The following SEPTIN11 variants were observed in gnomAD, a reference collection of about 807,000 sequenced individuals.
SEPTIN11 encodes the protein septin 11, also known as septin-11.
Under a neutral mutation model 51.4 loss-of-function variants are expected in SEPTIN11, and 25 were observed. That is an observed-to-expected ratio of 0.49 (90% CI 0.35 to 0.68). The LOEUF (loss-of-function observed/expected upper bound fraction) is 0.68. Among genes scored for constraint, SEPTIN11 ranks in the 30% least tolerant of loss-of-function variants. The pLI, the probability that SEPTIN11 is intolerant of heterozygous loss-of-function variation, is 0.00. For synonymous variants in SEPTIN11, 174 were observed against 184.1 expected (o/e 0.95, Z 0.44); for missense variants, 381 against 520.8 (o/e 0.73, Z 2.61).
intron 1 of SEPTIN11, among the ~76,000 whole-genome samples, chr4:76,954,197 G>T (rs1321484887): frequency 6.6e-6 from 1 of 152,208 alleles, no homozygotes; most frequent in African/African-American, 2.4e-5. Context: ...ATGTCACACT[G>T]ATCATGATCA....
At chr4:77,023,294 ACACACAC>A (rs1725863613) in intron 7 of SEPTIN11, among the ~76,000 whole-genome samples, 2 of 143,106 alleles carry the variant, frequency 1.4e-5, no homozygotes, top group Non-Finnish European at 3.0e-5. Context: ...ACACACACAC[ACACACAC>A]AATATATATA....
chr4:77,036,856 A>T lies in SEPTIN11; in HGVS notation c.*2344A>T. 1 of 1,453,856 alleles carries T rather than the reference A, an allele frequency of 6.9e-7. No individual in the cohort carries two copies. Among genetic ancestry groups the T allele is most frequent in the South Asian group, 1.4e-5 (1 of 70,750 alleles). The allele number at this position is 1,453,856 out of a possible 1,614,324, so 90.1% of individuals were successfully genotyped here. ...TTTGCATGTAAGTACGGTAGTAAGAAACCTTTGAGATCTTTCTGACTTTTC... is the reference window on the plus strand; with the variant it reads ...TTTGCATGTAAGTACGGTAGTAAGATACCTTTGAGATCTTTCTGACTTTTC... On this transcript the variant is annotated 3_prime_UTR_variant, in exon 10 of 10. Coordinates refer to ENST00000264893, the MANE Select transcript of SEPTIN11 (RefSeq NM_018243.4).
In SEPTIN11 at chr4:77,034,674, T is replaced by TGGTA. The variant is rs1726907898; in HGVS notation, c.*164_*167dup. 21 of 1,327,336 alleles carry TGGTA rather than the reference T, an allele frequency of 1.6e-5. No individual in the cohort carries two copies. The South Asian group carries it at 4.6e-4, about 29-fold the overall frequency. 82.2% of individuals were successfully genotyped at this position (1,327,336 alleles called of 1,614,324 possible). On this transcript the variant is annotated 3_prime_UTR_variant, in exon 10 of 10. Transcript: ENST00000264893. ...ACTCGTTTTGCTGAATGTTGTTGGG[T>TGGTA]GGTAGAAAATGATAGAACAAGGGAA...
At position 76,984,748 on chromosome 4, in the gene SEPTIN11, T is replaced by C. The variant is rs72858653; in HGVS notation, c.28-11677T>C. 0.014 allele frequency among the ~76,000 whole-genome samples: 2,089 copies of C among 152,202 alleles called. 60 individuals are homozygous for C. Among genetic ancestry groups the C allele is most frequent in the African/African-American group, 0.047 (1,934 of 41,514 alleles). On this transcript the variant is annotated intron_variant, in intron 1 of 9. Coordinates refer to ENST00000264893, the MANE Select transcript of SEPTIN11 (RefSeq NM_018243.4). This position sits in a 1 kb window ranked among gnomAD's most constrained non-coding sequence, Gnocchi z 4.1. ...CAAAAATGACCCAAATAAACAACAGTGAGACAAGTGGGTGGTTTTATGCTC... is the reference window on the plus strand; with the variant it reads ...CAAAAATGACCCAAATAAACAACAGCGAGACAAGTGGGTGGTTTTATGCTC...
downstream of SEPTIN11, among the ~76,000 whole-genome samples, chr4:77,038,833 C>G (rs1031694946): frequency 6.6e-6 from 1 of 152,048 alleles, no homozygotes; most frequent in African/African-American, 2.4e-5. Context: ...CTTTTTCCCC[C>G]ATGCCTGTCC....
At chr4:76,962,653 C>T (rs901855142) in intron 1 of SEPTIN11, among the ~76,000 whole-genome samples, 2 of 152,098 alleles carry the variant, frequency 1.3e-5, no homozygotes, top group Non-Finnish European at 2.9e-5. Flanking sequence ...TTTCCTGATA[C>T]TAGCTTTAGA....
chr4:77,007,379 G>T (rs1400776981), intron 3 of SEPTIN11, among the ~76,000 whole-genome samples: 1 of 152,152 alleles, frequency 6.6e-6, no homozygotes, highest in East Asian at 1.9e-4. Context: ...ACTTTTTCAG[G>T]ATCCCTCCCC....
intron 4 of SEPTIN11, among the ~76,000 whole-genome samples, chr4:77,013,902 G>A (rs145715608): frequency 3.7e-4 from 56 of 152,274 alleles, no homozygotes; most frequent in Admixed American, 2.8e-3. Flanking sequence ...TGTCAGTAAC[G>A]TCTTATTGAA....
chr4:76,999,325 A>G (rs1171803703), intron 2 of SEPTIN11, among the ~76,000 whole-genome samples: 1 of 152,206 alleles, frequency 6.6e-6, no homozygotes, highest in African/African-American at 2.4e-5. Context: ...TGGTCCATCT[A>G]TTTTTAAAAT....
intron 9 of SEPTIN11, among the ~76,000 whole-genome samples, chr4:77,032,412 A>G (rs991143808): frequency 6.6e-6 from 1 of 152,246 alleles, no homozygotes; most frequent in African/African-American, 2.4e-5. Context: ...GTAGCTATGC[A>G]TGTCGGGAGA....
At chr4:76,975,722 A>T (rs1722467640) in intron 1 of SEPTIN11, among the ~76,000 whole-genome samples, 1 of 152,174 alleles carries the variant, frequency 6.6e-6, no homozygotes, top group Non-Finnish European at 1.5e-5. Context: ...ATACCCCTAA[A>T]AGGTTCTTGG....
chr4:77,019,176 A>G lies in SEPTIN11; in HGVS notation c.699A>G (p.Pro233=), dbSNP rs1177246912. 9.9e-6 allele frequency: 16 copies of G among 1,613,056 alleles called. No homozygotes were observed. The highest frequency in any genetic ancestry group is 1.3e-5 in the African/African-American group (1 of 74,896). ...CTTTTGCTTGGCAGGTCCATCTCCCATTTGCAGTGGTTGGCAGCACCGAAG... is the reference window on the plus strand; with the variant it reads ...CTTTTGCTTGGCAGGTCCATCTCCCGTTTGCAGTGGTTGGCAGCACCGAAG... The part of the protein sequence containing the change: ...EINATMSVHL[P]FAVVGSTEEV... Residue 233 remains proline (P), a synonymous_variant, in exon 6 of 10, where the codon CCA becomes CCG. Transcript: ENST00000264893.
At chr4:76,983,998 C>A (rs1472760335) in intron 1 of SEPTIN11, among the ~76,000 whole-genome samples, 1 of 152,054 alleles carries the variant, frequency 6.6e-6, no homozygotes, top group African/African-American at 2.4e-5. Flanking sequence ...CAGAGCAAGA[C>A]TCCATTTCAG....
chr4:76,956,181 G>C (rs1302907306), intron 1 of SEPTIN11, among the ~76,000 whole-genome samples: 3 of 152,260 alleles, frequency 2.0e-5, no homozygotes, highest in Non-Finnish European at 2.9e-5. Flanking sequence ...AGGGCAAAAG[G>C]CTTGACCAAA....
In SEPTIN11 at chr4:77,021,984, G is replaced by A. The variant is rs1261561479; in HGVS notation, c.953+1314G>A. 5.3e-5 allele frequency among the ~76,000 whole-genome samples: 8 copies of A among 152,214 alleles called. No homozygotes were observed. The East Asian group carries it at 1.5e-3, about 29-fold the overall frequency. On this transcript the variant is annotated intron_variant, in intron 7 of 9. Transcript: ENST00000264893. The stretch of plus-strand genomic sequence containing the variant: ...TCATTCACTTCTGCCCTGACGGCTT[G>A]CAAAACTGACCATCTCCAACCATGT...
intron 3 of SEPTIN11, among the ~76,000 whole-genome samples, chr4:77,010,917 A>G (rs1724818280): frequency 6.6e-6 from 1 of 152,200 alleles, no homozygotes; most frequent in Non-Finnish European, 1.5e-5. Flanking sequence ...CATGTGGTTT[A>G]TGGAATGTGT....
At chr4:76,954,931 G>A (rs1721496649) in intron 1 of SEPTIN11, among the ~76,000 whole-genome samples, 1 of 151,858 alleles carries the variant, frequency 6.6e-6, no homozygotes, top group Admixed American at 6.6e-5. Flanking sequence ...CTGACAAGTG[G>A]GAGCTTTGTT....
At chr4:76,969,440 G>A (rs116412920) in intron 1 of SEPTIN11, among the ~76,000 whole-genome samples, 3 of 152,056 alleles carry the variant, frequency 2.0e-5, no homozygotes, top group Non-Finnish European at 2.9e-5. Context: ...ATTACAAAAG[G>A]TACAAAATAT....
intron 4 of SEPTIN11, among the ~76,000 whole-genome samples, chr4:77,013,468 CAAGA>C (rs1268750517): frequency 1.3e-5 from 2 of 152,096 alleles, no homozygotes; most frequent in Non-Finnish European, 2.9e-5. Context: ...TCAATTTGGC[CAAGA>C]AAGAGTGAAT....
Sources: gnomAD v4.1 joint callset for allele counts (sites outside exome capture counted in the v4.1 genomes callset) on GRCh38, gnomAD v4.1.1 for gene constraint, Gnocchi (gnomAD v3.1) non-coding constraint, MANE v1.5 for transcripts, NCBI Gene and HGNC (gene_info 2026-07-23, HGNC 2026-07-21) for gene names.